CSGALNACT1: variants seen among roughly 807,000 people sequenced by gnomAD.
CSGALNACT1 encodes chondroitin sulfate N-acetylgalactosaminyltransferase 1, also known as beta4GalNAcT-1.
A neutral mutation model predicts 51.0 loss-of-function variants in CSGALNACT1; 52 were observed. The ratio of observed to expected loss-of-function variants is 1.02; its 90% CI spans 0.82 to 1.29. The LOEUF (loss-of-function observed/expected upper bound fraction) is 1.29. Among genes scored for constraint, CSGALNACT1 ranks in the 50% most tolerant of loss-of-function variants. The pLI is 0.00. For missense variants in CSGALNACT1, 935 were observed against 679.2 expected, an observed-to-expected ratio of 1.38 and a Z score of -4.19; for synonymous variants, 341 against 254.4, an observed-to-expected ratio of 1.34 and a Z score of -3.24.
At chr8:19,699,161 C>T (rs868243960) in intron 1 of CSGALNACT1, among the ~76,000 whole-genome samples, 2 of 152,160 alleles carry the variant, frequency 1.3e-5, no homozygotes, top group African/African-American at 4.8e-5. Flanking sequence ...CATGAGCCAC[C>T]GCGCCCAGCC....
At chr8:19,453,807 G>A (rs930783788) in intron 5 of CSGALNACT1, among the ~76,000 whole-genome samples, 2 of 152,044 alleles carry the variant, frequency 1.3e-5, no homozygotes, top group South Asian at 2.1e-4. Flanking sequence ...AGCTACTCGG[G>A]AGGCTGAGGT....
chr8:19,615,401 C>G (rs908727425), intron 1 of CSGALNACT1, among the ~76,000 whole-genome samples: 2 of 152,240 alleles, frequency 1.3e-5, no homozygotes, highest in Non-Finnish European at 2.9e-5. Context: ...ATGCTCGTGA[C>G]TTCTTTTGAA....
At chr8:19,498,167 T>C (rs2075799252) in intron 4 of CSGALNACT1, among the ~76,000 whole-genome samples, 1 of 152,196 alleles carries the variant, frequency 6.6e-6, no homozygotes, top group Admixed American at 6.5e-5. Flanking sequence ...GGGTTCACAA[T>C]TCAGAGTTCT....
At chr8:19,653,738 C>A (rs1564356190) in intron 1 of CSGALNACT1, among the ~76,000 whole-genome samples, 1 of 151,518 alleles carries the variant, frequency 6.6e-6, no homozygotes, top group Non-Finnish European at 1.5e-5. Flanking sequence ...AGGCTACAAT[C>A]GGTGAACCGT....
At chr8:19,732,818 A>C (rs1008504295) in intron 1 of CSGALNACT1, among the ~76,000 whole-genome samples, 1 of 152,200 alleles carries the variant, frequency 6.6e-6, no homozygotes, top group Non-Finnish European at 1.5e-5. Flanking sequence ...GGGCAGTTTA[A>C]TTGTTGTTGT....
At position 19,439,945 on chromosome 8, in the gene CSGALNACT1, C is replaced by A. The variant is rs767730749; in HGVS notation, c.852-14G>T. 1 of 1,602,976 alleles carries A rather than the reference C, an allele frequency of 6.2e-7. No individual in the cohort carries two copies. The highest frequency in any genetic ancestry group is 1.7e-5 in the Admixed American group (1 of 59,988). On this transcript the variant is annotated splice_polypyrimidine_tract_variant and intron_variant, in intron 5 of 9. Transcript: ENST00000454498. ...ATGCACATCTCCCTGGAAAACAAAA[C>A]ACATGCATGTCTGGCACCTGTTTTC...
intron 3 of CSGALNACT1, among the ~76,000 whole-genome samples, chr8:19,552,774 A>G (rs1485466623): frequency 1.3e-5 from 2 of 152,248 alleles, no homozygotes; most frequent in Admixed American, 1.3e-4. Context: ...TCATGAAAAG[A>G]AAGTCTAACT....
chr8:19,747,785 C>G (rs1344057923), intron 1 of CSGALNACT1, among the ~76,000 whole-genome samples: 3 of 151,224 alleles, frequency 2.0e-5, no homozygotes, highest in Non-Finnish European at 4.4e-5. Context: ...ACTGTAGAAA[C>G]TTGTCTACAC....
intron 4 of CSGALNACT1, among the ~76,000 whole-genome samples, chr8:19,484,443 A>G (rs1477478866): frequency 1.3e-5 from 2 of 152,212 alleles, no homozygotes; most frequent in Non-Finnish European, 2.9e-5. Context: ...TTTAATTTAT[A>G]AAGGAAAGAG....
chr8:19,599,952 TC>T (rs2050039455), intron 2 of CSGALNACT1, among the ~76,000 whole-genome samples: 2 of 152,348 alleles, frequency 1.3e-5, no homozygotes, highest in Non-Finnish European at 2.9e-5. Flanking sequence ...AGTTAATTGT[TC>T]CATTCAAACA....
At chr8:19,644,218 A>G (rs547988692) in intron 1 of CSGALNACT1, among the ~76,000 whole-genome samples, 2 of 152,284 alleles carry the variant, frequency 1.3e-5, no homozygotes, top group Non-Finnish European at 2.9e-5. Flanking sequence ...CAAATATACC[A>G]AAATAATTAA....
At chr8:19,611,055 C>T (rs928416878) in intron 1 of CSGALNACT1, among the ~76,000 whole-genome samples, 2 of 152,136 alleles carry the variant, frequency 1.3e-5, no homozygotes, top group Admixed American at 6.5e-5. Flanking sequence ...GCACGCCCTG[C>T]GAAGGGGACA....
intron 1 of CSGALNACT1, among the ~76,000 whole-genome samples, chr8:19,631,552 G>C (rs991149898): frequency 3.3e-5 from 5 of 152,184 alleles, no homozygotes; most frequent in African/African-American, 1.2e-4. Context: ...GCTCCAGTGA[G>C]AACAAAATTC....
chr8:19,462,510 T>C (rs1191207578), intron 4 of CSGALNACT1, among the ~76,000 whole-genome samples: 1 of 152,214 alleles, frequency 6.6e-6, no homozygotes, highest in East Asian at 1.9e-4. Context: ...GTAAATCTTA[T>C]TCATAACAAC....
chr8:19,700,963 T>C (rs925762208), intron 1 of CSGALNACT1, among the ~76,000 whole-genome samples: 3 of 152,128 alleles, frequency 2.0e-5, no homozygotes, highest in Middle Eastern at 3.2e-3. Flanking sequence ...CAATGAAATG[T>C]CAGTGGAAGT....
intron 1 of CSGALNACT1, among the ~76,000 whole-genome samples, chr8:19,675,306 T>C (rs2060096204): frequency 6.6e-6 from 1 of 152,206 alleles, no homozygotes. Flanking sequence ...GTTAATTTCC[T>C]TCCCCCACTT....
intron 1 of CSGALNACT1, among the ~76,000 whole-genome samples, chr8:19,747,761 C>G (rs986327564): frequency 6.6e-6 from 1 of 151,852 alleles, no homozygotes; most frequent in Non-Finnish European, 1.5e-5. Flanking sequence ...CTGTCTCCAC[C>G]AAGCTAGTTT....
chr8:19,509,232 G>C (rs1037850939), intron 3 of CSGALNACT1, among the ~76,000 whole-genome samples: 3 of 152,188 alleles, frequency 2.0e-5, no homozygotes, highest in African/African-American at 7.2e-5. Flanking sequence ...GGGAGTATCT[G>C]CTTCCTGAAG....
At chr8:19,468,628 A>G (rs1049003745) in intron 4 of CSGALNACT1, among the ~76,000 whole-genome samples, 1 of 152,130 alleles carries the variant, frequency 6.6e-6, no homozygotes, top group Non-Finnish European at 1.5e-5. Flanking sequence ...GATGGTGGCA[A>G]TGGAGGTGGA....
Sources: gnomAD v4.1 joint callset for allele counts (sites outside exome capture counted in the v4.1 genomes callset) on GRCh38, gnomAD v4.1.1 for gene constraint, MANE v1.5 for transcripts, NCBI Gene and HGNC (gene_info 2026-07-23, HGNC 2026-07-21) for gene names.